Variants in SAMD3 observed in about 807,000 individuals in gnomAD.
SAMD3 encodes sterile alpha motif domain-containing protein 3.
In SAMD3, 63 loss-of-function variants were observed where a neutral mutation model predicts 58.5. That is an observed-to-expected ratio of 1.08 (90% confidence interval 0.88 to 1.33). The LOEUF is 1.33. Among genes scored for constraint, SAMD3 ranks in the 40% most tolerant of loss-of-function variants. The pLI, the probability that SAMD3 is intolerant of heterozygous loss-of-function variation, is 0.00. For synonymous variants in SAMD3, 220 were observed against 210.3 expected (o/e 1.05, Z -0.40); for missense variants, 604 against 608.4 (o/e 0.99, Z 0.08).
At chr6:130,354,925 TAA>T (rs543105165) in intron 1 of SAMD3, among the ~76,000 whole-genome samples, 8 of 150,522 alleles carry the variant, frequency 5.3e-5, no homozygotes, top group Admixed American at 1.3e-4. Flanking sequence ...AGTGCTAAAC[TAA>T]AAAAAAAGGA....
At chr6:130,337,468 T>A (rs1403719223) in intron 1 of SAMD3, among the ~76,000 whole-genome samples, 2 of 152,316 alleles carry the variant, frequency 1.3e-5, no homozygotes, top group Non-Finnish European at 2.9e-5. Flanking sequence ...AATGGACTAC[T>A]ATAGTAAATT....
chr6:130,349,478 A>G (rs537166376), intron 1 of SAMD3, among the ~76,000 whole-genome samples: 1 of 152,358 alleles, frequency 6.6e-6, no homozygotes, highest in South Asian at 2.1e-4. Flanking sequence ...GACAATCTAG[A>G]AGAAATGGAT....
In SAMD3 at chr6:130,365,119, C is replaced by A. The variant is rs1021453719; in HGVS notation, c.-304+1G>T. On this transcript the variant is annotated splice_donor_variant, in intron 1 of 13. Coordinates refer to the SAMD3 transcript ENST00000368134. LOFTEE classifies it low-confidence loss of function (5UTR_SPLICE). ...TTAGTTTTACATGAAACTTTACTTA[C>A]GGAATTGGCCTGCATATATACAGTC... The A allele has an allele frequency of 5.3e-6, 5 of 935,972 alleles. No homozygotes were observed. The highest frequency in any genetic ancestry group is 5.1e-6 in the Non-Finnish European group (4 of 785,004). The allele number at this position is 935,972 out of a possible 1,614,324, so 58.0% of individuals were successfully genotyped here.
At chr6:130,255,532 C>A (rs1433069149) in intron 2 of SAMD3, among the ~76,000 whole-genome samples, 2 of 152,242 alleles carry the variant, frequency 1.3e-5, no homozygotes, top group East Asian at 3.9e-4. Context: ...GAATTGATCG[C>A]TTTTCTACAG....
intron 2 of SAMD3, among the ~76,000 whole-genome samples, chr6:130,276,946 A>G (rs2114944287): frequency 6.6e-6 from 1 of 152,300 alleles, no homozygotes; most frequent in Middle Eastern, 3.4e-3. Context: ...TGGTCAAGTC[A>G]TGAAGCACAG....
In SAMD3 at chr6:130,178,150, A is replaced by G. The variant is rs187227617; in HGVS notation, c.655-2142T>C. 5.1e-5 allele frequency among the ~76,000 whole-genome samples: 7 copies of G among 136,828 alleles called. 1 individual carries two copies. The East Asian group carries it at 1.4e-3, about 26-fold the overall frequency. The allele number at this position is 136,828 out of a possible 152,430, so 89.8% of individuals were successfully genotyped here. On this transcript the variant is annotated intron_variant, in intron 7 of 11. Coordinates refer to ENST00000439090, the MANE Select transcript of SAMD3 (RefSeq NM_001017373.4). ...CCACCACAGCCAGCTAATTTTTTGT[A>G]TTTTTAGTAGAGACGAGGTTTCTCC...
At position 130,311,844 on chromosome 6, in the gene SAMD3, G is replaced by C. The variant is rs142028990; in HGVS notation, c.-188+1134C>G. Among the ~76,000 whole-genome samples the C allele has an allele frequency of 1.1e-3, 168 of 152,234 alleles. 1 individual carries two copies. The East Asian group carries it at 0.027, about 25-fold the overall frequency. ...TTTGGGTGGATAGCTAGAGAACCAG[G>C]ATCCAAGGACTGAGTGACAACTACA... On this transcript the variant is annotated intron_variant, in intron 2 of 13. Coordinates refer to the SAMD3 transcript ENST00000368134.
At chr6:130,270,741 C>T (rs573848086) in intron 2 of SAMD3, among the ~76,000 whole-genome samples, 57 of 152,032 alleles carry the variant, frequency 3.7e-4, no homozygotes, top group Non-Finnish European at 5.4e-4. Flanking sequence ...CTAAAATATC[C>T]CATTGTATGA....
At chr6:130,343,011 G>A (rs187779772) in intron 1 of SAMD3, among the ~76,000 whole-genome samples, 1 of 152,020 alleles carries the variant, frequency 6.6e-6, no homozygotes, top group African/African-American at 2.4e-5. Flanking sequence ...TCTGAAAGTA[G>A]ACAACTTTTT....
intron 2 of SAMD3, among the ~76,000 whole-genome samples, chr6:130,266,300 C>T (rs1052219575): frequency 2.0e-5 from 3 of 152,106 alleles, no homozygotes; most frequent in East Asian, 1.9e-4. Context: ...CTCAATGTCA[C>T]TTCATGTTAT....
At chr6:130,294,906 CTGATTTTT>C (rs1775506398) in intron 2 of SAMD3, among the ~76,000 whole-genome samples, 2 of 90,672 alleles carry the variant, frequency 2.2e-5, no homozygotes, top group Admixed American at 1.1e-4. Flanking sequence ...ATACATTTCT[CTGATTTTT>C]TTTTTTTTTT....
At chr6:130,215,646 A>G in intron 2 of SAMD3, 1 of 1,393,646 alleles carries the variant, frequency 7.2e-7, no homozygotes, top group Non-Finnish European at 9.3e-7. Flanking sequence ...CACAAAGAAA[A>G]GAAAGGTGTG....
intron 1 of SAMD3, among the ~76,000 whole-genome samples, chr6:130,360,586 A>T (rs564791869): frequency 6.7e-4 from 102 of 152,340 alleles, no homozygotes; most frequent in African/African-American, 2.4e-3. Context: ...CAGGGTGAGA[A>T]CACAGGACCA....
chr6:130,362,174 A>G (rs971420610), intron 1 of SAMD3, among the ~76,000 whole-genome samples: 1 of 152,256 alleles, frequency 6.6e-6, no homozygotes, highest in Non-Finnish European at 1.5e-5. Flanking sequence ...ACATATGAAC[A>G]GTGCCCTAGT....
intron 5 of SAMD3, among the ~76,000 whole-genome samples, chr6:130,208,255 A>G (rs917469794): frequency 2.6e-5 from 4 of 152,228 alleles, no homozygotes; most frequent in Admixed American, 2.0e-4. Context: ...TCTCTTTTCA[A>G]TGAACTACGT....
At chr6:130,166,491 T>C (rs34197960) in intron 8 of SAMD3, among the ~76,000 whole-genome samples, 6,293 of 152,318 alleles carry the variant, frequency 0.041, 173 homozygotes, top group Non-Finnish European at 0.06. Flanking sequence ...TTTTATTGTA[T>C]ATTAAGTTCC....
chr6:130,315,043 T>G (rs1776313009), intron 1 of SAMD3, among the ~76,000 whole-genome samples: 1 of 152,198 alleles, frequency 6.6e-6, no homozygotes, highest in Non-Finnish European at 1.5e-5. Flanking sequence ...CCTCAAACTA[T>G]ATACTATATT....
intron 2 of SAMD3, among the ~76,000 whole-genome samples, chr6:130,304,926 CTTTTTTTTTTTTTTT>C (rs777084920): frequency 9.7e-6 from 1 of 103,376 alleles, no homozygotes; most frequent in African/African-American, 4.0e-5. Context: ...CATTTTCTTC[CTTTTTTTTTTTTTTT>C]TTTTTTTTTT....
intron 2 of SAMD3, among the ~76,000 whole-genome samples, chr6:130,275,969 G>A (rs1358117950): frequency 1.3e-5 from 2 of 152,068 alleles, no homozygotes; most frequent in Non-Finnish European, 2.9e-5. Flanking sequence ...TTACATGATG[G>A]AAGGAACTTT....
Sources: gnomAD v4.1 joint callset for allele counts (sites outside exome capture counted in the v4.1 genomes callset) on GRCh38, gnomAD v4.1.1 for gene constraint, MANE v1.5 for transcripts, NCBI Gene and HGNC (gene_info 2026-07-23, HGNC 2026-07-21) for gene names.